Variants in WNK1 observed in about 807,000 individuals in gnomAD.
The protein encoded by WNK1 is serine/threonine-protein kinase WNK1.
Under a neutral mutation model 222.8 loss-of-function variants are expected in WNK1, and 38 were observed. The ratio of observed to expected loss-of-function variants is 0.17; its 90% CI spans 0.13 to 0.22. The LOEUF is 0.22. Among genes scored for constraint, WNK1 ranks in the 10% least tolerant of loss-of-function variants. The pLI is 1.00. For synonymous variants in WNK1, 1,090 were observed against 1,092.9 expected (o/e 1.00, Z 0.05); for missense variants, 2,348 against 2,918.4 (o/e 0.80, Z 4.50).
intron 4 of WNK1, among the ~76,000 whole-genome samples, chr12:852,876 G>A (rs191126331): frequency 1.3e-5 from 2 of 152,230 alleles, no homozygotes; most frequent in Non-Finnish European, 1.5e-5. Flanking sequence ...GATCAGTGAG[G>A]TTTCATAATC....
chr12:793,864 T>TGAA (rs1257920659), intron 1 of WNK1, among the ~76,000 whole-genome samples: 1 of 152,132 alleles, frequency 6.6e-6, no homozygotes, highest in Non-Finnish European at 1.5e-5. Context: ...ACCATCACAG[T>TGAA]ACTAAGTTTT....
intron 12 of WNK1, chr12:881,384 G>A (rs1459637606): frequency 2.2e-6 from 1 of 464,806 alleles, no homozygotes; most frequent in Non-Finnish European, 3.9e-6. Flanking sequence ...TTTGTACTAT[G>A]CTCTGTCTGC....
chr12:758,846 T>G (rs1940604382), intron 1 of WNK1, among the ~76,000 whole-genome samples: 1 of 147,022 alleles, frequency 6.8e-6, no homozygotes, highest in African/African-American at 2.4e-5. Flanking sequence ...TAACACAGTC[T>G]GAGAAGTAAT....
At chr12:819,205 T>C (rs1040460412) in intron 2 of WNK1, among the ~76,000 whole-genome samples, 2 of 152,200 alleles carry the variant, frequency 1.3e-5, no homozygotes, top group Non-Finnish European at 2.9e-5. Flanking sequence ...TGTTTTTTTG[T>C]TGATTTATTA....
At chr12:823,367 T>C (rs1481958586) in intron 2 of WNK1, among the ~76,000 whole-genome samples, 1 of 152,210 alleles carries the variant, frequency 6.6e-6, no homozygotes, top group Admixed American at 6.5e-5. Context: ...TAAATATTCT[T>C]TCTGCTCTTT....
chr12:754,569 T>C (rs559547195), intron 1 of WNK1, among the ~76,000 whole-genome samples: 3 of 152,334 alleles, frequency 2.0e-5, no homozygotes, highest in African/African-American at 4.8e-5. Flanking sequence ...AAGGTCATCT[T>C]AGTACAAACG....
chr12:866,593 A>G (rs900523692), intron 8 of WNK1, among the ~76,000 whole-genome samples: 3 of 151,976 alleles, frequency 2.0e-5, no homozygotes, highest in Admixed American at 2.0e-4. Context: ...ATCTCCTGAC[A>G]TTGTGATCCA....
chr12:871,194 T>C (rs1952113674), intron 8 of WNK1, 71 bp from the exon 9 acceptor site: 15 of 1,398,678 alleles, frequency 1.1e-5, no homozygotes, highest in Middle Eastern at 1.8e-4. Flanking sequence ...AAATATTCAT[T>C]GCAAAAGCCT....
intron 1 of WNK1, among the ~76,000 whole-genome samples, chr12:756,702 A>G (rs1940089019): frequency 6.6e-6 from 1 of 152,232 alleles, no homozygotes; most frequent in Admixed American, 6.5e-5. Context: ...CTAATAAAAT[A>G]TTCAGTGGGT....
At chr12:853,151 A>G (rs1016459890) in intron 4 of WNK1, among the ~76,000 whole-genome samples, 2 of 152,184 alleles carry the variant, frequency 1.3e-5, no homozygotes, top group Non-Finnish European at 2.9e-5. Context: ...AGGCAGTAGT[A>G]GTATCTAAAT....
chr12:867,984 AAGT>A, intron 8 of WNK1: 1 of 1,613,908 alleles, frequency 6.2e-7, no homozygotes, highest in Non-Finnish European at 8.5e-7. Context: ...TGCCCACCGA[AAGT>A]AGCCATTTCC....
At chr12:875,492 A>G (rs1952525285) in intron 9 of WNK1, among the ~76,000 whole-genome samples, 1 of 152,234 alleles carries the variant, frequency 6.6e-6, no homozygotes, top group Non-Finnish European at 1.5e-5. Flanking sequence ...TTAAGGAATA[A>G]ACATAAATTT....
intron 7 of WNK1, 104 bp downstream of exon 7, chr12:861,447 C>T: frequency 9.6e-7 from 1 of 1,040,344 alleles, no homozygotes; most frequent in South Asian, 1.4e-5. Flanking sequence ...ATTATGAATC[C>T]TACTATTATA....
intron 1 of WNK1, among the ~76,000 whole-genome samples, chr12:774,606 T>G (rs1171646377): frequency 3.3e-5 from 5 of 152,212 alleles, no homozygotes; most frequent in African/African-American, 1.2e-4. Flanking sequence ...GAAATGGAAT[T>G]ACTGGTTCTA....
intron 9 of WNK1, among the ~76,000 whole-genome samples, chr12:873,834 G>A (rs1318307938): frequency 6.6e-6 from 1 of 152,040 alleles, no homozygotes; most frequent in Non-Finnish European, 1.5e-5. Context: ...TTTTATTTTA[G>A]TGAGGAAAGA....
At chr12:879,514 T>TTTTTTTTTTTTTTTTTTTTTTTTTG in intron 10 of WNK1, 59 bp from the exon 11 acceptor site, 2 of 43,858 alleles carry the variant, frequency 4.6e-5, no homozygotes, top group Admixed American at 3.0e-4. Context: ...GCAGCCTTGC[T>TTTTTTTTTTTTTTTTTTTTTTTTTG]TTTTTTTTTT....
At chr12:786,590 C>T (rs1944331210) in intron 1 of WNK1, among the ~76,000 whole-genome samples, 1 of 151,194 alleles carries the variant, frequency 6.6e-6, no homozygotes, top group Admixed American at 6.6e-5. Context: ...GCCTCAGTTT[C>T]CTGAGTAACT....
chr12:858,580 G>A (rs1950960105), intron 5 of WNK1, among the ~76,000 whole-genome samples: 1 of 152,078 alleles, frequency 6.6e-6, no homozygotes, highest in African/African-American at 2.4e-5. Context: ...ACTTCTGCTT[G>A]CCCAGTACAC....
intron 1 of WNK1, among the ~76,000 whole-genome samples, chr12:766,136 T>C (rs1941665773): frequency 6.6e-6 from 1 of 152,088 alleles, no homozygotes; most frequent in Non-Finnish European, 1.5e-5. Flanking sequence ...TTGGATACAA[T>C]GTTCACTATT....
Sources: allele counts gnomAD v4.1 joint callset (sites outside exome capture counted in the v4.1 genomes callset), GRCh38; gene constraint gnomAD v4.1.1; transcripts MANE v1.5; gene names NCBI Gene and HGNC (gene_info 2026-07-23, HGNC 2026-07-21).